CCSER1: variants seen among roughly 807,000 people sequenced by gnomAD.
CCSER1 encodes the protein coiled-coil serine rich protein 1.
Under a neutral mutation model 82.0 loss-of-function variants are expected in CCSER1, and 41 were observed. The ratio of observed to expected loss-of-function variants is 0.50; its 90% confidence interval spans 0.39 to 0.65. The LOEUF is 0.65. Among genes scored for constraint, CCSER1 ranks in the 30% least tolerant of loss-of-function variants. The pLI, the probability that CCSER1 is intolerant of heterozygous loss-of-function variation, is 0.00. For missense variants in CCSER1, 1,119 were observed against 1,064.2 expected (o/e 1.05, Z -0.72); for synonymous variants, 414 against 383.9 (o/e 1.08, Z -0.92).
chr4:90,879,512 A>AGAGGAAGAG (rs70963090), intron 8 of CCSER1, among the ~76,000 whole-genome samples: 8 of 129,066 alleles, frequency 6.2e-5, no homozygotes, highest in Non-Finnish European at 9.6e-5. Context: ...AAGAAGAAGA[A>AGAGGAAGAG]GAAGAGGAAG....
At chr4:90,568,759 CT>C (rs111904355) in intron 5 of CCSER1, among the ~76,000 whole-genome samples, 4,389 of 134,360 alleles carry the variant, frequency 0.033, 110 homozygotes, top group African/African-American at 0.089. Flanking sequence ...TCCTCTCTTG[CT>C]TTTTTTTTTT....
intron 3 of CCSER1, among the ~76,000 whole-genome samples, chr4:90,391,177 G>A (rs1421874360): frequency 6.7e-6 from 1 of 148,912 alleles, no homozygotes; most frequent in Admixed American, 6.7e-5. Flanking sequence ...GGAGGCTGAG[G>A]CAGGAGAATC....
intron 9 of CCSER1, among the ~76,000 whole-genome samples, chr4:91,016,770 C>A (rs1739467912): frequency 6.6e-6 from 1 of 152,090 alleles, no homozygotes; most frequent in Non-Finnish European, 1.5e-5. Context: ...TAACTTCAGC[C>A]ACTTCCCGCT....
chr4:90,287,527 A>G (rs1415808388), intron 1 of CCSER1, among the ~76,000 whole-genome samples: 1 of 151,890 alleles, frequency 6.6e-6, no homozygotes, highest in Non-Finnish European at 1.5e-5. Flanking sequence ...TCCATGTTAC[A>G]TGAGTCTCAT....
intron 10 of CCSER1, among the ~76,000 whole-genome samples, chr4:91,487,861 A>G (rs1008205587): frequency 1.3e-5 from 2 of 152,002 alleles, no homozygotes; most frequent in African/African-American, 4.8e-5. Context: ...AATAGTTTCA[A>G]ATTGTATATT....
intron 10 of CCSER1, among the ~76,000 whole-genome samples, chr4:91,442,571 T>G (rs960306240): frequency 7.3e-6 from 1 of 137,288 alleles, no homozygotes; most frequent in Admixed American, 7.5e-5. Context: ...GGCAAGGACT[T>G]CATGTCTAAA....
chr4:90,393,344 T>A (rs564580287), intron 3 of CCSER1, among the ~76,000 whole-genome samples: 102 of 152,276 alleles, frequency 6.7e-4, no homozygotes, highest in Non-Finnish European at 1.1e-3. Context: ...TAAAACTGTG[T>A]TTCCCTGTGA....
chr4:91,177,765 A>G (rs1227692031), intron 10 of CCSER1, among the ~76,000 whole-genome samples: 6 of 152,074 alleles, frequency 3.9e-5, no homozygotes, highest in African/African-American at 7.2e-5. Flanking sequence ...TCAAAAAACA[A>G]TCTCCTGGAT....
intron 1 of CCSER1, among the ~76,000 whole-genome samples, chr4:90,272,531 A>G (rs1160537154): frequency 6.6e-6 from 1 of 152,180 alleles, no homozygotes; most frequent in African/African-American, 2.4e-5. Context: ...TAGAGCTACC[A>G]TATGACCTAG....
chr4:91,189,117 AT>A lies in CCSER1; in HGVS notation c.2217+103132del, dbSNP rs924623483. Among the ~76,000 whole-genome samples the A allele has an allele frequency of 7.3e-5, 11 of 151,722 alleles. No individual in the cohort carries two copies. In the East Asian group the frequency reaches 1.2e-3, roughly 16 times the overall value. The stretch of plus-strand genomic sequence containing the variant: ...TTCTAGAGAGCCTAAATGTTAATGG[AT>A]TTTTTTTTAAAGAAAGTAAACATTT... On this transcript the variant is annotated intron_variant, in intron 10 of 10. Coordinates refer to ENST00000509176, the MANE Select transcript of CCSER1 (RefSeq NM_001145065.2).
chr4:91,218,323 G>A (rs1046222278), intron 10 of CCSER1, among the ~76,000 whole-genome samples: 1 of 152,182 alleles, frequency 6.6e-6, no homozygotes, highest in Non-Finnish European at 1.5e-5. Flanking sequence ...AGGGCCGCAC[G>A]CAGCCCCGGT....
chr4:90,305,152 G>A (rs149795512), intron 1 of CCSER1, among the ~76,000 whole-genome samples: 4,806 of 152,186 alleles, frequency 0.032, 200 homozygotes, highest in African/African-American at 0.096. Flanking sequence ...TCCTGACCTC[G>A]TGATCTGCCT....
At chr4:91,267,818 AG>A (rs1741718661) in intron 10 of CCSER1, among the ~76,000 whole-genome samples, 1 of 152,214 alleles carries the variant, frequency 6.6e-6, no homozygotes, top group South Asian at 2.1e-4. Flanking sequence ...CAGGAAACAC[AG>A]TAAGTTGTGA....
At chr4:90,772,699 A>G (rs960640378) in intron 7 of CCSER1, among the ~76,000 whole-genome samples, 4 of 152,218 alleles carry the variant, frequency 2.6e-5, no homozygotes, top group African/African-American at 9.6e-5. Context: ...ACATCCTGGC[A>G]GAACTACTGT....
intron 10 of CCSER1, among the ~76,000 whole-genome samples, chr4:91,110,985 G>A (rs1025311497): frequency 2.0e-5 from 3 of 151,870 alleles, no homozygotes; most frequent in East Asian, 1.9e-4. Context: ...ATAATAGTTG[G>A]CACTTCTTAG....
At chr4:91,218,094 G>T (rs2149095296) in intron 10 of CCSER1, among the ~76,000 whole-genome samples, 1 of 152,350 alleles carries the variant, frequency 6.6e-6, no homozygotes, top group African/African-American at 2.4e-5. Flanking sequence ...ATGGAGGGCT[G>T]CAGGTCCCGA....
intron 9 of CCSER1, among the ~76,000 whole-genome samples, chr4:91,084,208 A>G (rs758211411): frequency 2.7e-4 from 41 of 152,244 alleles, no homozygotes; most frequent in Non-Finnish European, 4.9e-4. Context: ...TAGAGATTAC[A>G]GGCATGAGCC....
Position 91,526,850 on chromosome 4 carries a change from C to T in CCSER1, c.2218-71722C>T, listed in dbSNP as rs549634479. On this transcript the variant is annotated intron_variant, in intron 10 of 10. Coordinates refer to ENST00000509176, the MANE Select transcript of CCSER1 (RefSeq NM_001145065.2). ...TCAGGTGATCCACCTGCCTTCGCCT[C>T]CCAAAGTGCTGAGATTATAGGCGTG... is the stretch of plus-strand genomic sequence containing the variant. Among the ~76,000 whole-genome samples, 4 of 152,216 alleles carry T rather than the reference C, an allele frequency of 2.6e-5. No homozygotes were observed. The South Asian group carries it at 8.3e-4, about 32-fold the overall frequency.
At chr4:90,478,562 C>A (rs545127309) in intron 5 of CCSER1, among the ~76,000 whole-genome samples, 1 of 152,126 alleles carries the variant, frequency 6.6e-6, no homozygotes, top group South Asian at 2.1e-4. Flanking sequence ...ATATTAGGCA[C>A]CATACTGTAA....
Sources: gnomAD v4.1 joint callset for allele counts (sites outside exome capture counted in the v4.1 genomes callset) on GRCh38, gnomAD v4.1.1 for gene constraint, MANE v1.5 for transcripts, NCBI Gene and HGNC (gene_info 2026-07-23, HGNC 2026-07-21) for gene names.